VANGL1: variants seen among roughly 807,000 people sequenced by gnomAD.
VANGL1 encodes the protein vang-like protein 1.
VANGL1 carries 18 observed loss-of-function variants against 48.4 expected under a neutral mutation model. The observed-to-expected ratio is 0.37, with a 90% CI of 0.26 to 0.55. VANGL1 has a LOEUF of 0.55. VANGL1 is among the 20% of genes least tolerant of loss of function. The pLI, the probability that VANGL1 is intolerant of heterozygous loss-of-function variation, is 0.81. For missense variants in VANGL1, 667 were observed against 675.8 expected (o/e 0.99, Z 0.14); for synonymous variants, 257 against 261.8 (o/e 0.98, Z 0.18).
chr1:115,659,661 A>G lies in VANGL1; in HGVS notation c.92A>G (p.His31Arg), dbSNP rs572497446. 23 of 1,614,186 alleles carry G rather than the reference A, an allele frequency of 1.4e-5. No homozygotes were observed. In the African/African-American group the frequency reaches 2.4e-4, roughly 17 times the overall value. Residue 31 changes from histidine (H) to arginine (R), a missense_variant, in exon 3 of 8, where the codon CAC (histidine) becomes CGC (arginine). Physicochemically the swap from His to Arg is conservative, Grantham distance 29. Transcript: ENST00000355485. Reference protein sequence around the residue: ...HRQGERTRERHKSPRNKDGRG... With the variant: ...HRQGERTRERRKSPRNKDGRG... The stretch of plus-strand genomic sequence containing the variant: ...TTCAGGGAAAGAACTAGAGAGAGAC[A>G]CAAGTCACCCCGGAATAAAGACGGC...
intron 4 of VANGL1, among the ~76,000 whole-genome samples, chr1:115,673,235 C>T (rs1161002214): frequency 4.6e-5 from 7 of 152,210 alleles, no homozygotes; most frequent in African/African-American, 1.4e-4. Context: ...CGTTCTCTCA[C>T]GTTTGCATTC....
At chr1:115,661,770 A>G (rs1289149316) in intron 3 of VANGL1, among the ~76,000 whole-genome samples, 1 of 151,978 alleles carries the variant, frequency 6.6e-6, no homozygotes, top group African/African-American at 2.4e-5. Context: ...GGCACGCACC[A>G]CCACGCCCAG....
rs974240548 is a variant in VANGL1 at position 115,685,275 on chromosome 1, T to A, written c.1080-18T>A. 3 of 1,613,070 alleles carry A rather than the reference T, an allele frequency of 1.9e-6. No individual in the cohort carries two copies. The African/African-American group carries it at 4.0e-5, about 22-fold the overall frequency. ...GGCAGGCACCATCCTGATTACTTAG[T>A]GTTGCATCACCTTCTAGGCTGGTGG... is the stretch of plus-strand genomic sequence containing the variant. On this transcript the variant is annotated intron_variant, in intron 6 of 7. Transcript: ENST00000355485.
Position 115,664,201 on chromosome 1 carries a change from A to G in VANGL1, c.745A>G (p.Met249Val). 6.2e-7 allele frequency: 1 copy of G among 1,614,096 alleles called. No individual in the cohort carries two copies. Among genetic ancestry groups the G allele is most frequent in the African/African-American group, 1.3e-5 (1 of 75,046 alleles). ...GCTGGAGCTCAGGCAGCTGCAGCCC[A>G]TGTTCACGCTGCAGGTGGTCCGCTC... ...VLLELRQLQP[M>V]FTLQVVRSTD... is the part of the protein sequence containing the mutation. Residue 249 changes from methionine to valine, a missense_variant, in exon 4 of 8, where the codon ATG becomes GTG. Met to Val is a conservative substitution (Grantham distance 21). Transcript: ENST00000355485.
At chr1:115,689,922 C>G (rs1389279711) in intron 7 of VANGL1, among the ~76,000 whole-genome samples, 1 of 139,014 alleles carries the variant, frequency 7.2e-6, no homozygotes, top group East Asian at 2.0e-4. Context: ...TGCCACGGCA[C>G]TCCAGCCTGG....
In VANGL1 at chr1:115,691,139, C is replaced by T. The variant is rs1653815262; in HGVS notation, c.1335C>T (p.Leu445=). ...MTPKAFLERY[L]SAGPTLQYDK... ...TCCAGGCCTTCCTAGAACGGTACCT[C>T]AGTGCGGGCCCCACCCTGCAATATG... The change falls in exon 8 of 8, where the codon CTC becomes CTT. Residue 445 remains leucine (L), a synonymous_variant. Coordinates refer to ENST00000355485, the MANE Select transcript of VANGL1 (RefSeq NM_138959.3). 6.2e-7 allele frequency: 1 copy of T among 1,614,176 alleles called. No homozygotes were observed. The highest frequency in any genetic ancestry group is 8.5e-7 in the Non-Finnish European group (1 of 1,180,042).
At chr1:115,681,921 C>G (rs1189331640) in intron 4 of VANGL1, among the ~76,000 whole-genome samples, 1 of 152,212 alleles carries the variant, frequency 6.6e-6, no homozygotes, top group Non-Finnish European at 1.5e-5. Context: ...GGACAAAACC[C>G]TGAATGAGGA....
intron 4 of VANGL1, among the ~76,000 whole-genome samples, chr1:115,673,535 A>G (rs559291800): frequency 7.4e-6 from 1 of 134,776 alleles, no homozygotes. Flanking sequence ...TGGCTGTGTC[A>G]CTCCAGTTTC....
At chr1:115,659,813 G>A (rs2101328065) in intron 3 of VANGL1, 40 bp downstream of exon 3, 1 of 1,613,744 alleles carries the variant, frequency 6.2e-7, no homozygotes, top group Non-Finnish European at 8.5e-7. Flanking sequence ...CTGCCACTTG[G>A]CCAAGACTCC....
At chr1:115,670,615 G>A (rs1348546123) in intron 4 of VANGL1, among the ~76,000 whole-genome samples, 1 of 152,192 alleles carries the variant, frequency 6.6e-6, no homozygotes, top group Non-Finnish European at 1.5e-5. Flanking sequence ...TGTCTCTCAT[G>A]CTGGGCCACG....
intron 1 of VANGL1, among the ~76,000 whole-genome samples, chr1:115,642,894 A>G (rs1651790126): frequency 6.6e-6 from 1 of 152,184 alleles, no homozygotes; most frequent in African/African-American, 2.4e-5. Flanking sequence ...AGCTTTATAA[A>G]AATTTAAACG....
At chr1:115,660,236 C>T (rs960265859) in intron 3 of VANGL1, among the ~76,000 whole-genome samples, 1 of 152,080 alleles carries the variant, frequency 6.6e-6, no homozygotes, top group Non-Finnish European at 1.5e-5. Flanking sequence ...GGCCCTGGGT[C>T]GAAAAGAGGG....
intron 5 of VANGL1, among the ~76,000 whole-genome samples, chr1:115,683,584 A>AGCC (rs1373934807): frequency 6.6e-6 from 1 of 152,124 alleles, no homozygotes; most frequent in Non-Finnish European, 1.5e-5. Context: ...TTGATGTCCC[A>AGCC]GCCGCCCTTA....
chr1:115,681,774 T>C (rs1375145917), intron 4 of VANGL1, among the ~76,000 whole-genome samples: 1 of 152,184 alleles, frequency 6.6e-6, no homozygotes, highest in Non-Finnish European at 1.5e-5. Flanking sequence ...CCCAAAGTGC[T>C]GGGATTACAG....
Position 115,678,964 on chromosome 1 carries a change from AAAG to A in VANGL1, c.813-3394_813-3392del, listed in dbSNP as rs1653271577. ...GGGAGACTGTCTCAAAAAAAAAAAA[AAAG>A]AAGAAAGGCATATTGGATTTTATCC... On this transcript the variant is annotated intron_variant, in intron 4 of 7. Coordinates refer to ENST00000355485, the MANE Select transcript of VANGL1 (RefSeq NM_138959.3). Among the ~76,000 whole-genome samples the A allele has an allele frequency of 3.3e-5, 5 of 152,092 alleles. No homozygotes were observed. In the South Asian group the frequency reaches 1.0e-3, roughly 32 times the overall value.
intron 4 of VANGL1, among the ~76,000 whole-genome samples, chr1:115,677,486 C>T (rs1487817488): frequency 6.6e-6 from 1 of 152,174 alleles, no homozygotes; most frequent in African/African-American, 2.4e-5. Context: ...CATTGCTGGC[C>T]CGTCCTTCCC....
At chr1:115,652,981 A>G (rs1652209047) in intron 2 of VANGL1, among the ~76,000 whole-genome samples, 1 of 152,200 alleles carries the variant, frequency 6.6e-6, no homozygotes, top group Non-Finnish European at 1.5e-5. Context: ...TAGGTTCTCA[A>G]AGATGTTTGA....
intron 2 of VANGL1, among the ~76,000 whole-genome samples, chr1:115,653,323 G>T (rs1402062856): frequency 6.6e-6 from 1 of 152,198 alleles, no homozygotes; most frequent in Non-Finnish European, 1.5e-5. Flanking sequence ...TCCTGAGACA[G>T]TCACAAACCC....
Position 115,696,424 on chromosome 1 carries a change from G to A in VANGL1, c.*5045G>A, listed in dbSNP as rs1478640784. 2 of 152,120 alleles carry A rather than the reference G, an allele frequency of 1.3e-5. No homozygotes were observed. The highest frequency in any genetic ancestry group is 2.9e-5 in the Non-Finnish European group (2 of 68,036). The allele number at this position is 152,120 out of a possible 1,614,324, so 9.4% of individuals were successfully genotyped here. ...TTTTGACAGAGCAGACGTAAAACAG[G>A]ACTCAGAAAACCATTTTTCTCTGTT... is the stretch of plus-strand genomic sequence containing the variant. On this transcript the variant is annotated 3_prime_UTR_variant, in exon 8 of 8. Coordinates refer to ENST00000355485, the MANE Select transcript of VANGL1 (RefSeq NM_138959.3).
Sources: allele counts gnomAD v4.1 joint callset (sites outside exome capture counted in the v4.1 genomes callset), GRCh38; gene constraint gnomAD v4.1.1; transcripts MANE v1.5; gene names NCBI Gene and HGNC (gene_info 2026-07-23, HGNC 2026-07-21).